GLG1: variants seen among roughly 807,000 people sequenced by gnomAD.
GLG1 encodes the protein golgi glycoprotein 1.
Under a neutral mutation model 160.5 loss-of-function variants are expected in GLG1, and 38 were observed. The ratio of observed to expected loss-of-function variants is 0.24; its 90% CI spans 0.18 to 0.31. GLG1 has a LOEUF of 0.31. Among genes scored for constraint, GLG1 ranks in the 10% least tolerant of loss-of-function variants. GLG1 has a pLI of 1.00. For synonymous variants in GLG1, 644 were observed against 543.4 expected, an observed-to-expected ratio of 1.19 and a Z score of -2.57; for missense variants, 1,373 against 1,505.2, an observed-to-expected ratio of 0.91 and a Z score of 1.45.
At chr16:74,581,180 A>G (rs555069208) in intron 1 of GLG1, among the ~76,000 whole-genome samples, 4 of 152,342 alleles carry the variant, frequency 2.6e-5, no homozygotes, top group African/African-American at 4.8e-5. Context: ...TCTCAAAGAG[A>G]TATTTGTATA....
chr16:74,479,051 CAAAAAAAAAAAA>C (rs34125450), intron 11 of GLG1, among the ~76,000 whole-genome samples: 34 of 17,582 alleles, frequency 1.9e-3, no homozygotes, highest in African/African-American at 7.7e-3. Context: ...ATTAAAAATC[CAAAAAAAAAAAA>C]AAAAAAAAAA....
intron 12 of GLG1, 68 bp downstream of exon 12, chr16:74,477,328 C>G: frequency 8.9e-7 from 1 of 1,129,450 alleles, no homozygotes; most frequent in East Asian, 2.3e-5. Flanking sequence ...GGTGTTTGTA[C>G]TCTGCATAAA....
intron 1 of GLG1, among the ~76,000 whole-genome samples, chr16:74,544,626 T>C (rs945594635): frequency 6.6e-6 from 1 of 152,164 alleles, no homozygotes; most frequent in Non-Finnish European, 1.5e-5. Context: ...CTTGCCTTAC[T>C]TAGTCTTATG....
At chr16:74,465,247 A>C (rs2014957537) in intron 19 of GLG1, among the ~76,000 whole-genome samples, 2 of 152,250 alleles carry the variant, frequency 1.3e-5, no homozygotes, top group African/African-American at 2.4e-5. Flanking sequence ...GAAGCAAAAC[A>C]ACCTGTAAAA....
intron 1 of GLG1, among the ~76,000 whole-genome samples, chr16:74,551,489 T>TA (rs1555515703): frequency 4.1e-5 from 6 of 145,088 alleles, no homozygotes; most frequent in East Asian, 3.9e-4. Context: ...TTTTTTTTTT[T>TA]AATTTTTAGT....
intron 1 of GLG1, among the ~76,000 whole-genome samples, chr16:74,578,725 G>A (rs1016800118): frequency 2.6e-5 from 4 of 152,116 alleles, no homozygotes; most frequent in African/African-American, 9.7e-5. Flanking sequence ...AAGGCTGAAT[G>A]CACACACAAA....
chr16:74,499,869 G>T (rs539842651), intron 4 of GLG1, among the ~76,000 whole-genome samples: 1 of 152,220 alleles, frequency 6.6e-6, no homozygotes, highest in Admixed American at 6.5e-5. Context: ...CGGGCATGGT[G>T]GCAGGCACCT....
chr16:74,456,536 G>T, intron 25 of GLG1, 113 bp downstream of exon 25: 1 of 724,250 alleles, frequency 1.4e-6, no homozygotes, highest in East Asian at 2.5e-5. Flanking sequence ...AAAGAGGCTG[G>T]ACAGCCACAG....
At chr16:74,601,974 A>G (rs1201511180) in intron 1 of GLG1, among the ~76,000 whole-genome samples, 1 of 152,162 alleles carries the variant, frequency 6.6e-6, no homozygotes, top group Non-Finnish European at 1.5e-5. Context: ...TGCTAAAAGA[A>G]TAACACTAGC....
At chr16:74,506,286 A>C (rs1267904646) in intron 3 of GLG1, among the ~76,000 whole-genome samples, 7 of 151,716 alleles carry the variant, frequency 4.6e-5, no homozygotes, top group Admixed American at 4.6e-4. Flanking sequence ...AAGTTTTAAA[A>C]CATCTCAAGA....
chr16:74,502,848 G>A (rs1463789000), intron 4 of GLG1, among the ~76,000 whole-genome samples: 5 of 149,470 alleles, frequency 3.3e-5, no homozygotes, highest in African/African-American at 9.9e-5. Flanking sequence ...GGGATTACAG[G>A]CATGAGCCAC....
Position 74,451,727 on chromosome 16 carries a change from C to T in GLG1, c.*1440G>A, listed in dbSNP as rs2014313776. 3.1e-6 allele frequency: 1 copy of T among 318,640 alleles called. No homozygotes were observed. Among genetic ancestry groups the T allele is most frequent in the African/African-American group, 2.1e-5 (1 of 47,628 alleles). The allele number at this position is 318,640 out of a possible 1,614,324, so 19.7% of individuals were successfully genotyped here. A position where few individuals can be genotyped will look rare whatever the true frequency, so the allele number is the denominator to read the frequency against. On this transcript the variant is annotated 3_prime_UTR_variant, in exon 26 of 26. Coordinates refer to ENST00000422840, the MANE Select transcript of GLG1 (RefSeq NM_001145667.2). ...TTGTGCAGCCACTGTGATCTCATGC[C>T]CCAAACTCAACCAAAGGAGTGCCAC...
chr16:74,489,341 G>C (rs2015901339), intron 8 of GLG1, among the ~76,000 whole-genome samples: 1 of 151,822 alleles, frequency 6.6e-6, no homozygotes, highest in African/African-American at 2.4e-5. Context: ...TGTGGTGGTG[G>C]GCAACTGTAA....
chr16:74,454,667 A>C (rs34532870), intron 25 of GLG1, among the ~76,000 whole-genome samples: 2,370 of 6,224 alleles, frequency 0.38, 120 homozygotes, highest in Admixed American at 0.41. Context: ...ATCCGTCCCC[A>C]AAAAAAAAAA....
chr16:74,484,242 A>C (rs1373465004), intron 9 of GLG1, among the ~76,000 whole-genome samples: 1 of 152,154 alleles, frequency 6.6e-6, no homozygotes, highest in Non-Finnish European at 1.5e-5. Flanking sequence ...CATGGACTAT[A>C]CTCACTTTGT....
chr16:74,585,253 CA>C (rs1353065283), intron 1 of GLG1, among the ~76,000 whole-genome samples: 3 of 151,502 alleles, frequency 2.0e-5, no homozygotes, highest in African/African-American at 4.8e-5. Context: ...ACTAAAAATA[CA>C]AAAAATTACC....
intron 7 of GLG1, 121 bp from the exon 8 acceptor site, chr16:74,491,336 A>G (rs117094734): frequency 2.7e-6 from 2 of 737,118 alleles, no homozygotes; most frequent in East Asian, 5.1e-5. Flanking sequence ...CAGACATGCT[A>G]ACATCTGAAA....
Position 74,463,427 on chromosome 16 carries a change from T to C in GLG1, c.2720A>G (p.Asn907Ser). 2 of 1,613,846 alleles carry C rather than the reference T, an allele frequency of 1.2e-6. No homozygotes were observed. Among genetic ancestry groups the C allele is most frequent in the East Asian group, 2.2e-5 (1 of 44,886 alleles). ...SKTMLQCLKQ[N>S]KNSELMDPKC... is the part of the protein sequence containing the mutation. ...GGGATCCATCAATTCACTGTTTTTATTTTGCTTCAAGCACTGCAACATGGT... is the reference window on the plus strand; with the variant it reads ...GGGATCCATCAATTCACTGTTTTTACTTTGCTTCAAGCACTGCAACATGGT... The change falls in exon 20 of 26, where the codon AAT becomes AGT. Residue 907 changes from asparagine (N) to serine (S), a missense_variant. By Grantham distance (46) the Asn-to-Ser change is conservative. Coordinates refer to ENST00000422840, the MANE Select transcript of GLG1 (RefSeq NM_001145667.2).
In GLG1 at chr16:74,503,709, T is replaced by C. The variant is rs375337803; in HGVS notation, c.596A>G (p.Tyr199Cys). Residue 199 changes from tyrosine to cysteine, a missense_variant, in exon 4 of 26, where the codon TAC becomes TGC. This residue lies in a region of GLG1 where 174 missense variants were observed against 229.9 expected (regional missense o/e 0.76). Coordinates refer to ENST00000422840, the MANE Select transcript of GLG1 (RefSeq NM_001145667.2). ...GTGATCCACCAAGCAGGAAACCATG[T>C]AACCTTTTCCAACCGGTTCATCAGC... The part of the protein sequence containing the change: ...ECADEPVGKG[Y>C]MVSCLVDHRG... 1.5e-5 allele frequency: 24 copies of C among 1,613,032 alleles called. No individual in the cohort carries two copies. Among genetic ancestry groups the C allele is most frequent in the Non-Finnish European group, 2.0e-5 (24 of 1,179,114 alleles).
Sources: gnomAD v4.1 joint callset for allele counts (sites outside exome capture counted in the v4.1 genomes callset) on GRCh38, gnomAD v4.1.1 for gene constraint, gnomAD v4.1.1 regional missense constraint, MANE v1.5 for transcripts, NCBI Gene and HGNC (gene_info 2026-07-23, HGNC 2026-07-21) for gene names.